The following STARD8 variants were observed in gnomAD, a reference collection of about 807,000 sequenced individuals.
The protein encoded by STARD8 is stAR-related lipid transfer protein 8.
In STARD8, 25 loss-of-function variants were observed where a neutral mutation model predicts 69.4. The observed-to-expected ratio is 0.36, with a 90% CI of 0.26 to 0.50. STARD8 has a LOEUF of 0.50. Among genes scored for constraint, STARD8 ranks in the 20% least tolerant of loss-of-function variants. The pLI is 0.96. For missense variants in STARD8, 921 were observed against 932.5 expected (o/e 0.99, Z 0.16); for synonymous variants, 389 against 374.6 (o/e 1.04, Z -0.45).
chrX:68,696,570 T>G (rs978724276), intron 2 of STARD8, among the ~76,000 whole-genome samples: 2 of 111,670 alleles, frequency 1.8e-5, no homozygotes, highest in South Asian at 3.7e-4. Flanking sequence ...TCCCTAGGAG[T>G]TCAGGGTGGT....
chrX:68,653,026 CCACACACCACACACACACATCACACACCA>C (rs2079568579), intron 1 of STARD8, among the ~76,000 whole-genome samples: 1 of 19,820 alleles, frequency 5.0e-5, no homozygotes. Flanking sequence ...CACACACACC[CCACACACCACACACACACATCACACACCA>C]CACACACCAC....
intron 13 of STARD8, 41 bp from the exon 14 acceptor site, chrX:68,723,904 C>A: frequency 8.3e-7 from 1 of 1,207,783 alleles, no homozygotes; most frequent in South Asian, 1.8e-5. Flanking sequence ...GGGTGGAAAC[C>A]AGCACTAGGA....
chrX:68,652,623 A>G, intron 1 of STARD8, among the ~76,000 whole-genome samples: 1 of 110,709 alleles, frequency 9.0e-6, no homozygotes, highest in South Asian at 3.8e-4. Context: ...AGCATGCATG[A>G]GTCAGTTTCT....
intron 1 of STARD8, among the ~76,000 whole-genome samples, chrX:68,661,792 C>T (rs901844922): frequency 1.8e-5 from 2 of 110,328 alleles, no homozygotes; most frequent in Non-Finnish European, 1.9e-5. Flanking sequence ...TATATTGGTC[C>T]CCTTCTTCCT....
rs776432270 is a variant in STARD8 at position 68,718,051 on chromosome X, G to A, written c.1137G>A (p.Glu379=). ...CTGAGGCTGAAGATGAAGATGATGA[G>A]GAGAGTGGGGGCAGCTATGCTCACC... is the stretch of plus-strand genomic sequence containing the variant. The part of the protein sequence containing the change: ...VGAEAEDEDD[E]ESGGSYAHLD... Residue 379 remains glutamate (E), a synonymous_variant, in exon 6 of 15, where the codon GAG becomes GAA. Transcript: ENST00000374599. 20 of 1,211,169 alleles carry A rather than the reference G, an allele frequency of 1.7e-5. No homozygotes were observed. The South Asian group carries it at 2.5e-4, about 15-fold the overall frequency.
At chrX:68,652,769 CACACCCCACACACCACA>C (rs2079556893) in intron 1 of STARD8, among the ~76,000 whole-genome samples, 1 of 78,411 alleles carries the variant, frequency 1.3e-5, no homozygotes, top group African/African-American at 4.8e-5. Flanking sequence ...CCCCCACACA[CACACCCCACACACCACA>C]CACACACACA....
In STARD8 at chrX:68,715,350, G is replaced by A. The variant is rs369644468; in HGVS notation, c.208G>A (p.Glu70Lys). 21 of 1,205,964 alleles carry A rather than the reference G, an allele frequency of 1.7e-5. No homozygotes were observed. The highest frequency in any genetic ancestry group is 3.5e-5 in the African/African-American group (2 of 57,054). The stretch of plus-strand genomic sequence containing the variant: ...GAAGAAAAACCACGGTTTTCTGGAC[G>A]AGGACTCTTTGGGGGCCCTGTGTAG... ...SVKKNHGFLD[E>K]DSLGALCRRL... The change falls in exon 4 of 15, where the codon GAG (glutamate) becomes AAG (lysine). Residue 70 changes from glutamate to lysine, a missense_variant. By Grantham distance (56) the Glu-to-Lys change is moderately conservative. Coordinates refer to ENST00000374599, the MANE Select transcript of STARD8 (RefSeq NM_001142503.3).
At chrX:68,669,253 C>A (rs1351855255) in intron 2 of STARD8, among the ~76,000 whole-genome samples, 1 of 112,075 alleles carries the variant, frequency 8.9e-6, no homozygotes, top group African/African-American at 3.2e-5. Context: ...AGTGAGAATA[C>A]TTGATTGGGG....
chrX:68,723,516 G>T (rs2080169512), intron 12 of STARD8, 110 bp from the exon 13 acceptor site: 1 of 673,867 alleles, frequency 1.5e-6, no homozygotes. Context: ...GAGCTCTGCA[G>T]CCTACCCTAT....
Position 68,662,107 on chromosome X carries a change from A to T in STARD8, c.46-3392A>T, listed in dbSNP as rs535345436. Among the ~76,000 whole-genome samples, 130 of 109,067 alleles carry T rather than the reference A, an allele frequency of 1.2e-3. 1 individual carries two copies. The South Asian group carries it at 0.024, about 20-fold the overall frequency. 94.7% of individuals were successfully genotyped at this position (109,067 alleles called of 115,157 possible). Reference sequence around the variant, plus strand: ...ACTGCAACCTCCGCCTCCCAGGTTCAAGTGATTCTCCTGCCTCAGCCTCCT... The same window carrying T: ...ACTGCAACCTCCGCCTCCCAGGTTCTAGTGATTCTCCTGCCTCAGCCTCCT... On this transcript the variant is annotated intron_variant, in intron 1 of 14. Coordinates refer to ENST00000374599, the MANE Select transcript of STARD8 (RefSeq NM_001142503.3).
At chrX:68,698,901 A>G in intron 2 of STARD8, among the ~76,000 whole-genome samples, 1 of 111,669 alleles carries the variant, frequency 9.0e-6, no homozygotes, top group Non-Finnish European at 1.9e-5. Context: ...CCCTTTTCTT[A>G]TCTACCAGGC....
At chrX:68,649,406 G>T (rs1002718890) in intron 1 of STARD8, among the ~76,000 whole-genome samples, 3 of 109,890 alleles carry the variant, frequency 2.7e-5, no homozygotes, top group African/African-American at 9.9e-5. Flanking sequence ...CTTCCCAAAG[G>T]GTTTGGAATT....
intron 2 of STARD8, among the ~76,000 whole-genome samples, chrX:68,672,364 C>T (rs2079733709): frequency 8.9e-6 from 1 of 112,086 alleles, no homozygotes; most frequent in East Asian, 2.8e-4. Context: ...GTGATCTGCA[C>T]AACAGCATAG....
chrX:68,721,032 G>A lies in STARD8; in HGVS notation c.2158G>A (p.Val720Met). The part of the protein sequence containing the change: ...VCYEGQSAYD[V>M]ADLLKQYFRD... ...CTACGAGGGCCAGTCAGCCTACGAC[G>A]TGGCTGACCTGCTAAAGCAGTATTT... Residue 720 changes from valine (V) to methionine (M), a missense_variant, in exon 9 of 15, where the codon GTG (valine) becomes ATG (methionine). By Grantham distance (21) the Val-to-Met change is conservative (BLOSUM62 1). Transcript: ENST00000374599. 1 of 1,211,654 alleles carries A rather than the reference G, an allele frequency of 8.3e-7. No individual in the cohort carries two copies. Among genetic ancestry groups the A allele is most frequent in the Non-Finnish European group, 1.1e-6 (1 of 895,326 alleles).
At position 68,660,577 on chromosome X, in the gene STARD8, C is replaced by T. The variant is rs147963212; in HGVS notation, c.46-4922C>T. On this transcript the variant is annotated intron_variant, in intron 1 of 14. Transcript: ENST00000374599. ...GCTCAATTGAGCTTCAGCCCACATA[C>T]CATCCTCCATCTCTACTCAGCTGTC... is the stretch of plus-strand genomic sequence containing the variant. Among the ~76,000 whole-genome samples the T allele has an allele frequency of 2.8e-4, 31 of 112,327 alleles. No individual in the cohort carries two copies. In the East Asian group the frequency reaches 8.2e-3, roughly 30 times the overall value.
intron 2 of STARD8, among the ~76,000 whole-genome samples, chrX:68,694,238 G>A (rs1279670132): frequency 8.9e-6 from 1 of 112,704 alleles, no homozygotes; most frequent in African/African-American, 3.2e-5. Context: ...TCCTTTCTCT[G>A]CTTTCGAGGG....
chrX:68,680,203 G>A (rs1387211234), intron 2 of STARD8, among the ~76,000 whole-genome samples: 1 of 111,903 alleles, frequency 8.9e-6, no homozygotes, highest in Non-Finnish European at 1.9e-5. Flanking sequence ...GCAAGCCTTG[G>A]AAGACAATCT....
At chrX:68,674,670 A>G (rs1349075083) in intron 2 of STARD8, among the ~76,000 whole-genome samples, 1 of 111,790 alleles carries the variant, frequency 8.9e-6, no homozygotes, top group Non-Finnish European at 1.9e-5. Flanking sequence ...TGGAAAGAAT[A>G]CAGTTTCTGG....
rs1487734164 is a variant in STARD8 at position 68,717,400 on chromosome X, C to T, written c.486C>T (p.Thr162=). 20 of 1,206,926 alleles carry T rather than the reference C, an allele frequency of 1.7e-5. No individual in the cohort carries two copies. Among genetic ancestry groups the T allele is most frequent in the African/African-American group, 3.5e-5 (2 of 56,618 alleles). Residue 162 remains threonine, a synonymous_variant, in exon 6 of 15, where the codon ACC becomes ACT. Coordinates refer to ENST00000374599, the MANE Select transcript of STARD8 (RefSeq NM_001142503.3). ...GTGCCACCTCTCTGCCAGTCATCAC[C>T]GTGAGCCTACCACCCGAGCCAGCAG... ...ELSATSLPVI[T]VSLPPEPADL...
Sources: allele counts gnomAD v4.1 joint callset (sites outside exome capture counted in the v4.1 genomes callset), GRCh38; gene constraint gnomAD v4.1.1; transcripts MANE v1.5; gene names NCBI Gene and HGNC (gene_info 2026-07-23, HGNC 2026-07-21).